CDH15: variants seen among roughly 807,000 people sequenced by gnomAD.
The protein encoded by CDH15 is cadherin-15.
CDH15 carries 73 observed loss-of-function variants against 69.4 expected under a neutral mutation model. The ratio of observed to expected loss-of-function variants is 1.05; its 90% CI spans 0.87 to 1.28. The LOEUF is 1.28. CDH15 is among the 50% of genes most tolerant of loss of function. The probability of loss-of-function intolerance (pLI) is 0.00; values close to 1 mark genes in which losing one functional copy is unlikely to be tolerated. For synonymous variants in CDH15, 624 were observed against 507.7 expected (o/e 1.23, Z -3.08); for missense variants, 1,343 against 1,133.6 (o/e 1.18, Z -2.65).
In CDH15 at chr16:89,191,829, T is replaced by C; in HGVS notation, c.1550T>C (p.Phe517Ser). ...GACCTGCCCCCCCACGGGGCCCCCT[T>C]CCACTTCCAGCTGAGCCCCAGGCTC... ...DEDLPPHGAP[F>S]HFQLSPRLPE... Residue 517 changes from phenylalanine (F) to serine (S), a missense_variant, in exon 10 of 14, where the codon TTC becomes TCC. By Grantham distance (155) the Phe-to-Ser change is radical (BLOSUM62 -2). Transcript: ENST00000289746. 6.2e-7 allele frequency: 1 copy of C among 1,603,702 alleles called. No individual in the cohort carries two copies. The highest frequency in any genetic ancestry group is 2.2e-5 in the East Asian group (1 of 44,800).
chr16:89,175,594 C>A (rs1247379780), intron 1 of CDH15, among the ~76,000 whole-genome samples: 1 of 152,198 alleles, frequency 6.6e-6, no homozygotes, highest in Non-Finnish European at 1.5e-5. Context: ...GCAAAGCTGC[C>A]CAGCCACGGC....
intron 1 of CDH15, among the ~76,000 whole-genome samples, chr16:89,173,689 C>A (rs1351641759): frequency 1.3e-5 from 2 of 152,194 alleles, no homozygotes; most frequent in Non-Finnish European, 2.9e-5. Context: ...CCTGGTGAGC[C>A]CCCAGGCAGG....
intron 3 of CDH15, chr16:89,183,264 C>G (rs903183832): frequency 6.8e-6 from 3 of 440,874 alleles, no homozygotes; most frequent in African/African-American, 5.9e-5. Flanking sequence ...TAGGAACCCT[C>G]TGAGAGCCTT....
Position 89,183,479 on chromosome 16 carries a change from G to A in CDH15, c.358-69G>A, listed in dbSNP as rs529578308. 42 of 1,575,538 alleles carry A rather than the reference G, an allele frequency of 2.7e-5. No individual in the cohort carries two copies. The Middle Eastern group carries it at 5.0e-4, about 19-fold the overall frequency. On this transcript the variant is annotated intron_variant, in intron 3 of 13. Coordinates refer to ENST00000289746, the MANE Select transcript of CDH15 (RefSeq NM_004933.3). ...AAAGTCTGAACGTGCTGTCTCTTTC[G>A]CATGGCCCTAACGGGAGCCACAGAA... is the stretch of plus-strand genomic sequence containing the variant.
intron 5 of CDH15, 31 bp downstream of exon 5, chr16:89,185,364 G>A (rs374520858): frequency 1.2e-5 from 19 of 1,568,636 alleles, no homozygotes; most frequent in Middle Eastern, 3.3e-4. Flanking sequence ...CTCCACACCC[G>A]CACGGCCAGG....
intron 2 of CDH15, among the ~76,000 whole-genome samples, chr16:89,179,828 C>A (rs929108010): frequency 1.3e-5 from 2 of 152,236 alleles, no homozygotes; most frequent in Non-Finnish European, 2.9e-5. Flanking sequence ...GGTGGACATA[C>A]TCCACGTTAG....
intron 5 of CDH15, 45 bp downstream of exon 5, chr16:89,185,378 G>T: frequency 6.4e-7 from 1 of 1,555,292 alleles, no homozygotes; most frequent in Non-Finnish European, 8.7e-7. Flanking sequence ...GGCCAGGGCA[G>T]CCCATCTCCT....
intron 7 of CDH15, among the ~76,000 whole-genome samples, chr16:89,189,329 G>GCACACACAGATGCC (rs1226908731): frequency 1.2e-5 from 1 of 83,338 alleles, no homozygotes; most frequent in African/African-American, 4.8e-5. Context: ...ACACATGCCG[G>GCACACACAGATGCC]CACACACAGA....
At position 89,185,570 on chromosome 16, in the gene CDH15, C is replaced by A. The variant is rs1163087680; in HGVS notation, c.663+237C>A. ...TGCAAGTAGGGCGTGAGGGGCCCGG[C>A]ACAGGGCAGGGCTCCCCAAGCAGCC... On this transcript the variant is annotated intron_variant, in intron 5 of 13. Coordinates refer to ENST00000289746, the MANE Select transcript of CDH15 (RefSeq NM_004933.3). 3 of 593,896 alleles carry A rather than the reference C, an allele frequency of 5.1e-6. No individual in the cohort carries two copies. In the African/African-American group the frequency reaches 5.5e-5, roughly 11 times the overall value. The allele number at this position is 593,896 out of a possible 1,614,324, so 36.8% of individuals were successfully genotyped here.
At position 89,179,481 on chromosome 16, in the gene CDH15, G is replaced by A. The variant is rs1915326964; in HGVS notation, c.108G>A (p.Arg36=). 6.2e-7 allele frequency: 1 copy of A among 1,613,552 alleles called. No individual in the cohort carries two copies. The highest frequency in any genetic ancestry group is 1.3e-5 in the African/African-American group (1 of 75,068). The stretch of plus-strand genomic sequence containing the variant: ...CCACCACCCTGTACCCCTGGCGCCG[G>A]GCGCCTGCCCTGAGCCGCGTGCGGA... ...RRPTTLYPWR[R]APALSRVRRA... is the part of the protein sequence containing the mutation. Residue 36 remains arginine (R), a synonymous_variant, in exon 2 of 14, where the codon CGG becomes CGA. Coordinates refer to ENST00000289746, the MANE Select transcript of CDH15 (RefSeq NM_004933.3).
rs1234365735 is a variant in CDH15 at position 89,192,338 on chromosome 16, C to T, written c.1749C>T (p.Gly583=). 6.5e-7 allele frequency: 1 copy of T among 1,536,132 alleles called. No homozygotes were observed. Among genetic ancestry groups the T allele is most frequent in the Non-Finnish European group, 8.7e-7 (1 of 1,147,492 alleles). Reference sequence around the variant, plus strand: ...TGAACGTGACCGTGTGCCGCTGCGGCAAGGACGGCGTCTGCCTGCCGGGGG... The same window carrying T: ...TGAACGTGACCGTGTGCCGCTGCGGTAAGGACGGCGTCTGCCTGCCGGGGG... ...QPLNVTVCRC[G]KDGVCLPGAA... is the part of the protein sequence containing the mutation. Residue 583 remains glycine (G), a synonymous_variant, in exon 11 of 14, where the codon GGC becomes GGT. Transcript: ENST00000289746.
intron 13 of CDH15, among the ~76,000 whole-genome samples, chr16:89,194,490 G>A (rs528606370): frequency 1.3e-5 from 2 of 152,324 alleles, no homozygotes; most frequent in South Asian, 2.1e-4. Flanking sequence ...AAAGGCAGAC[G>A]GGCCGTTCTG....
Position 89,192,392 on chromosome 16 carries a change from C to T in CDH15, c.1803C>T (p.Gly601=), listed in dbSNP as rs746338669. 1 of 1,538,716 alleles carries T rather than the reference C, an allele frequency of 6.5e-7. No homozygotes were observed. The highest frequency in any genetic ancestry group is 8.7e-7 in the Non-Finnish European group (1 of 1,149,082). The change falls in exon 11 of 14, where the codon GGC becomes GGT. Residue 601 remains glycine, a synonymous_variant. Transcript: ENST00000289746. ...CAGCGCTGCTGGCGGGGGGCACAGG[C>T]CTCAGCCTGGGCGCACTGGTCATCG... ...GAAALLAGGT[G]LSLGALVIVL...
rs750335733 is a variant in CDH15 at position 89,193,924 on chromosome 16, C to T, written c.2151+11C>T. 3.1e-6 allele frequency: 5 copies of T among 1,611,502 alleles called. No homozygotes were observed. Among genetic ancestry groups the T allele is most frequent in the Admixed American group, 3.3e-5 (2 of 59,924 alleles). On this transcript the variant is annotated intron_variant, in intron 13 of 13. Transcript: ENST00000289746. Reference sequence around the variant, plus strand: ...GACTTCATCAATGATGTAGGTGCTCCTGGGGACACCCCAGTACACACAGGC... The same window carrying T: ...GACTTCATCAATGATGTAGGTGCTCTTGGGGACACCCCAGTACACACAGGC...
rs574303798 is a variant in CDH15, at chr16:89,194,999, C to T, written c.2289C>T (p.Tyr763=). ...GCCAGGGCGATGAGGACCAGGACTA[C>T]GACTACCTCAGAGACTGGGGGCCCC... ...LSSQGDEDQD[Y]DYLRDWGPRF... Residue 763 remains tyrosine, a synonymous_variant, in exon 14 of 14, where the codon TAC becomes TAT. Transcript: ENST00000289746. 47 of 1,611,970 alleles carry T rather than the reference C, an allele frequency of 2.9e-5. No homozygotes were observed. Among genetic ancestry groups the T allele is most frequent in the South Asian group, 4.4e-5 (4 of 90,922 alleles).
chr16:89,187,646 A>G, intron 6 of CDH15, 89 bp downstream of exon 6: 3 of 1,551,134 alleles, frequency 1.9e-6, no homozygotes, highest in Non-Finnish European at 2.6e-6. Flanking sequence ...GGGCTTCATG[A>G]TGGGGCAGGA....
chr16:89,172,539 G>T (rs968328912), intron 1 of CDH15, among the ~76,000 whole-genome samples: 1 of 152,150 alleles, frequency 6.6e-6, no homozygotes, highest in Non-Finnish European at 1.5e-5. Flanking sequence ...CAGGCCTGGG[G>T]GCCCAGCCCC....
intron 11 of CDH15, among the ~76,000 whole-genome samples, chr16:89,192,695 C>T (rs1160635226): frequency 7.7e-5 from 3 of 39,136 alleles, no homozygotes; most frequent in Non-Finnish European, 1.4e-4. Context: ...TTACCAGCCA[C>T]GCCGCTTCCT....
At chr16:89,183,736 A>AGGGCTCTGT in intron 4 of CDH15, 44 bp downstream of exon 4, 1 of 1,554,694 alleles carries the variant, frequency 6.4e-7, no homozygotes, top group Non-Finnish European at 8.7e-7. Context: ...GCTGCAAGGA[A>AGGGCTCTGT]GGGCTCTGTG....
Sources: allele counts gnomAD v4.1 joint callset (sites outside exome capture counted in the v4.1 genomes callset), GRCh38; gene constraint gnomAD v4.1.1; transcripts MANE v1.5; gene names NCBI Gene and HGNC (gene_info 2026-07-23, HGNC 2026-07-21).